The following KCNN3 variants were observed in gnomAD, a reference collection of about 807,000 sequenced individuals.
KCNN3 encodes the protein potassium calcium-activated channel subfamily N member 3.
KCNN3 carries 16 observed loss-of-function variants against 62.9 expected under a neutral mutation model. The observed-to-expected ratio is 0.25, with a 90% CI of 0.17 to 0.39. The LOEUF is 0.39. KCNN3 is among the 10% of genes least tolerant of loss of function. The probability of loss-of-function intolerance (pLI) is 1.00; values close to 1 mark genes in which losing one functional copy is unlikely to be tolerated. For missense variants in KCNN3, 599 were observed against 949.4 expected (o/e 0.63, Z 4.85); for synonymous variants, 370 against 389.2 (o/e 0.95, Z 0.58).
At chr1:154,729,360 G>A (rs138811469) in intron 4 of KCNN3, among the ~76,000 whole-genome samples, 182 of 152,254 alleles carry the variant, frequency 1.2e-3, no homozygotes, top group African/African-American at 4.3e-3. Context: ...GTCCACTTCT[G>A]ATGAGCTGGA....
At chr1:154,819,796 A>T (rs11264266) in intron 2 of KCNN3, among the ~76,000 whole-genome samples, 31,266 of 152,048 alleles carry the variant, frequency 0.21, 3,735 homozygotes, top group East Asian at 0.38. Flanking sequence ...GGCAGTCGTG[A>T]TAGTGACCAC....
chr1:154,758,319 G>A (rs915365660), intron 3 of KCNN3, among the ~76,000 whole-genome samples: 1 of 152,204 alleles, frequency 6.6e-6, no homozygotes, highest in Non-Finnish European at 1.5e-5. Context: ...ATCACAGGAT[G>A]GATCCTGTGC....
In KCNN3 at chr1:154,772,342, C is replaced by T. The variant is rs776194606; in HGVS notation, c.1081G>A (p.Glu361Lys). 2 of 1,614,164 alleles carry T rather than the reference C, an allele frequency of 1.2e-6. No homozygotes were observed. Among genetic ancestry groups the T allele is most frequent in the Admixed American group, 1.7e-5 (1 of 60,034 alleles). The change falls in exon 3 of 8, where the codon GAG becomes AAG. Residue 361 changes from glutamate to lysine, a missense_variant. By Grantham distance (56) the Glu-to-Lys change is moderately conservative (BLOSUM62 1). Coordinates refer to ENST00000271915, the MANE Select transcript of KCNN3 (RefSeq NM_002249.6). The surrounding 1 kb of genome is among the most constrained non-coding windows in gnomAD (Gnocchi z 5.6). Reference sequence around the variant, plus strand: ...TCCAGGCTGATGTACAGGATGCGCTCGTAGGTCATGGCTATCCGCCAGTCA... The same window carrying T: ...TCCAGGCTGATGTACAGGATGCGCTTGTAGGTCATGGCTATCCGCCAGTCA... ...ADDWRIAMTY[E>K]RILYISLEML...
chr1:154,754,721 G>A (rs1256023213), intron 3 of KCNN3, among the ~76,000 whole-genome samples: 2 of 152,338 alleles, frequency 1.3e-5, no homozygotes, highest in South Asian at 2.1e-4. Context: ...CGTCCCTGAT[G>A]ATGCCATAGA....
In KCNN3 at chr1:154,728,789, G is replaced by A. The variant is rs1369643187; in HGVS notation, c.1591-2763C>T. Reference sequence around the variant, plus strand: ...AAGGGGGGAAAGAGAGAAGGAGGAGGCTGAAGAATAAGAAAAAATGATGGG... The same window carrying A: ...AAGGGGGGAAAGAGAGAAGGAGGAGACTGAAGAATAAGAAAAAATGATGGG... On this transcript the variant is annotated intron_variant, in intron 4 of 7. Transcript: ENST00000271915. Among the ~76,000 whole-genome samples, 3 of 151,620 alleles carry A rather than the reference G, an allele frequency of 2.0e-5. No homozygotes were observed. The East Asian group carries it at 5.8e-4, about 29-fold the overall frequency.
At chr1:154,752,005 C>G (rs1164301329) in intron 3 of KCNN3, among the ~76,000 whole-genome samples, 1 of 152,178 alleles carries the variant, frequency 6.6e-6, no homozygotes, top group East Asian at 1.9e-4. Context: ...GGAGGAAAAA[C>G]TGACTCACTG....
chr1:154,744,925 C>CAAAAA (rs5777930), intron 3 of KCNN3, among the ~76,000 whole-genome samples: 7 of 132,454 alleles, frequency 5.3e-5, no homozygotes, highest in Non-Finnish European at 8.3e-5. Flanking sequence ...CACATTAAGG[C>CAAAAA]AAAAAAAAAA....
intron 7 of KCNN3, among the ~76,000 whole-genome samples, chr1:154,712,134 G>A (rs1352566729): frequency 6.6e-6 from 1 of 152,162 alleles, no homozygotes; most frequent in Non-Finnish European, 1.5e-5. Context: ...CTGGTTGTGG[G>A]GGCTTCCCAG....
At chr1:154,752,122 G>A (rs1234574612) in intron 3 of KCNN3, among the ~76,000 whole-genome samples, 1 of 152,138 alleles carries the variant, frequency 6.6e-6, no homozygotes, top group African/African-American at 2.4e-5. Context: ...AATCTGTCAT[G>A]AGTAGAGATG....
intron 1 of KCNN3, among the ~76,000 whole-genome samples, chr1:154,836,259 A>T (rs1651578553): frequency 6.6e-6 from 1 of 152,218 alleles, no homozygotes; most frequent in Non-Finnish European, 1.5e-5. Context: ...TAGGACTCCC[A>T]CAGTACCCCT....
Position 154,737,705 on chromosome 1 carries a change from A to G in KCNN3, c.1449-4561T>C, listed in dbSNP as rs965874357. On this transcript the variant is annotated intron_variant, in intron 3 of 7. Coordinates refer to ENST00000271915, the MANE Select transcript of KCNN3 (RefSeq NM_002249.6). ...AAAAAAGTCTTCCTAGAGGGGCTGG[A>G]AGATGATAAATCGAGGAATTCTCCC... 4.6e-5 allele frequency among the ~76,000 whole-genome samples: 7 copies of G among 152,314 alleles called. 2 individuals are homozygous for G. The highest frequency in any genetic ancestry group is 3.9e-4 in the Admixed American group (6 of 15,306).
intron 2 of KCNN3, among the ~76,000 whole-genome samples, chr1:154,787,775 C>T (rs1463366738): frequency 3.3e-5 from 5 of 152,214 alleles, no homozygotes; most frequent in African/African-American, 1.2e-4. Context: ...ACCTTCTAAA[C>T]CCCCGTTTGG....
intron 3 of KCNN3, among the ~76,000 whole-genome samples, chr1:154,753,981 G>C (rs926416450): frequency 6.6e-6 from 1 of 152,216 alleles, no homozygotes; most frequent in Non-Finnish European, 1.5e-5. Context: ...GCACGTTTCT[G>C]ACTCCAGGGG....
At chr1:154,859,474 C>T (rs1250893106) in intron 1 of KCNN3, among the ~76,000 whole-genome samples, 11 of 152,182 alleles carry the variant, frequency 7.2e-5, no homozygotes, top group African/African-American at 1.4e-4. Flanking sequence ...CCATTACAAA[C>T]GGGGACACTG....
At chr1:154,777,356 T>C (rs942463154) in intron 2 of KCNN3, among the ~76,000 whole-genome samples, 3 of 152,114 alleles carry the variant, frequency 2.0e-5, no homozygotes, top group African/African-American at 7.2e-5. Flanking sequence ...CAGTAGAATC[T>C]TGGTGAATAA....
chr1:154,732,288 C>T (rs1476318248), intron 4 of KCNN3, among the ~76,000 whole-genome samples: 1 of 152,184 alleles, frequency 6.6e-6, no homozygotes, highest in African/African-American at 2.4e-5. Context: ...GAGTGTGTGC[C>T]TCCGCGAGAG....
At chr1:154,852,846 A>T (rs1226116082) in intron 1 of KCNN3, among the ~76,000 whole-genome samples, 1 of 152,156 alleles carries the variant, frequency 6.6e-6, no homozygotes, top group Non-Finnish European at 1.5e-5. Flanking sequence ...TGCTGTCTAC[A>T]ACACACCAGG....
intron 1 of KCNN3, among the ~76,000 whole-genome samples, chr1:154,828,216 C>T (rs1651217767): frequency 7.4e-6 from 1 of 134,302 alleles, no homozygotes; most frequent in African/African-American, 2.8e-5. Context: ...TTCTCCTAAG[C>T]CTCAGCCCCC....
chr1:154,829,289 T>C (rs1651282628), intron 1 of KCNN3, among the ~76,000 whole-genome samples: 1 of 152,196 alleles, frequency 6.6e-6, no homozygotes, highest in Admixed American at 6.5e-5. Context: ...AACCCACAAG[T>C]GGTTCCTTTG....
Sources: allele counts gnomAD v4.1 joint callset (sites outside exome capture counted in the v4.1 genomes callset), GRCh38; gene constraint gnomAD v4.1.1; non-coding constraint Gnocchi (gnomAD v3.1); transcripts MANE v1.5; gene names NCBI Gene and HGNC (gene_info 2026-07-23, HGNC 2026-07-21).